Variants in CFAP299 observed in about 807,000 individuals in gnomAD.
The protein encoded by CFAP299 is cilia- and flagella-associated protein 299.
A neutral mutation model predicts 27.0 loss-of-function variants in CFAP299; 21 were observed. That is an observed-to-expected ratio of 0.78 (90% CI 0.55 to 1.12). The LOEUF (loss-of-function observed/expected upper bound fraction) is 1.12. Ranked by LOEUF, CFAP299 falls within the 50% of genes most tolerant of loss-of-function variation. CFAP299 has a pLI of 0.00. For missense variants in CFAP299, 310 were observed against 276.6 expected, an observed-to-expected ratio of 1.12 and a Z score of -0.86; for synonymous variants, 104 against 98.1, an observed-to-expected ratio of 1.06 and a Z score of -0.36.
chr4:80,388,214 T>C (rs1168087648), intron 2 of CFAP299: 10 of 697,730 alleles, frequency 1.4e-5, no homozygotes, highest in East Asian at 2.7e-5. Flanking sequence ...GGGCACAGAA[T>C]GCATGTTCAG....
rs535409093 is a variant in CFAP299, at chr4:80,450,045, T to C, written c.242+87161T>C. ...TTGGAAAAGCTATGCAGTAAGGCAG[T>C]GGAGCAAAGTAATCTATATTGGCAC... On this transcript the variant is annotated intron_variant, in intron 2 of 5. Coordinates refer to ENST00000358105, the MANE Select transcript of CFAP299 (RefSeq NM_152770.3). Among the ~76,000 whole-genome samples, 12 of 152,268 alleles carry C rather than the reference T, an allele frequency of 7.9e-5. No homozygotes were observed. In the South Asian group the frequency reaches 1.9e-3, roughly 24 times the overall value.
chr4:80,951,672 A>G (rs1261244724), intron 5 of CFAP299, among the ~76,000 whole-genome samples: 2 of 152,146 alleles, frequency 1.3e-5, no homozygotes, highest in Non-Finnish European at 2.9e-5. Context: ...AGCAAATTCT[A>G]TTTTTAAAGC....
At chr4:80,828,167 AT>A (rs961097358) in intron 3 of CFAP299, among the ~76,000 whole-genome samples, 30 of 150,842 alleles carry the variant, frequency 2.0e-4, no homozygotes, top group East Asian at 5.8e-4. Context: ...TTGCAATGAC[AT>A]TTTTTTTTGC....
chr4:80,672,447 A>G (rs550090282), intron 3 of CFAP299, among the ~76,000 whole-genome samples: 41 of 152,188 alleles, frequency 2.7e-4, no homozygotes, highest in African/African-American at 8.9e-4. Flanking sequence ...TTCATCAGGG[A>G]TATTGGTCTA....
At chr4:80,755,449 G>A (rs549380875) in intron 3 of CFAP299, among the ~76,000 whole-genome samples, 1 of 152,174 alleles carries the variant, frequency 6.6e-6, no homozygotes, top group Admixed American at 6.5e-5. Flanking sequence ...AGTAATTTGG[G>A]AATGAAATTA....
At chr4:80,634,575 C>T (rs1416945510) in intron 3 of CFAP299, among the ~76,000 whole-genome samples, 2 of 152,132 alleles carry the variant, frequency 1.3e-5, no homozygotes, top group African/African-American at 2.4e-5. Context: ...TAAACAATTT[C>T]CGCTTAGCTG....
At chr4:80,670,051 C>T (rs1056215041) in intron 3 of CFAP299, among the ~76,000 whole-genome samples, 3 of 151,744 alleles carry the variant, frequency 2.0e-5, no homozygotes, top group Middle Eastern at 3.4e-3. Flanking sequence ...AGGCTTGTTA[C>T]ATAGGTATAC....
intron 4 of CFAP299, among the ~76,000 whole-genome samples, chr4:80,900,248 G>A (rs1243950847): frequency 6.6e-6 from 1 of 151,740 alleles, no homozygotes; most frequent in East Asian, 1.9e-4. Flanking sequence ...ATGCATAGGA[G>A]CACAAGGAAA....
At chr4:80,373,723 G>A (rs1403132456) in intron 2 of CFAP299, among the ~76,000 whole-genome samples, 1 of 152,050 alleles carries the variant, frequency 6.6e-6, no homozygotes, top group Non-Finnish European at 1.5e-5. Flanking sequence ...GTGTCTTATG[G>A]TTAAGTTCCA....
intron 3 of CFAP299, among the ~76,000 whole-genome samples, chr4:80,827,098 A>G (rs902162647): frequency 6.6e-6 from 1 of 151,866 alleles, no homozygotes; most frequent in African/African-American, 2.4e-5. Context: ...ACAACCCAAC[A>G]TTATAAGTTG....
Position 80,937,306 on chromosome 4 carries a change from TTCTTTC to T in CFAP299, c.477-7502_477-7497del, listed in dbSNP as rs1373820093. On this transcript the variant is annotated intron_variant, in intron 4 of 5. Transcript: ENST00000358105. The stretch of plus-strand genomic sequence containing the variant: ...TATCATTTTTCTTTTTTCTTTTTTT[TTCTTTC>T]TTTTTTTTTTTTTTTTTTTTTTGAG... Among the ~76,000 whole-genome samples the T allele has an allele frequency of 3.3e-4, 44 of 134,210 alleles. 1 individual carries two copies. The highest frequency in any genetic ancestry group is 1.2e-3 in the African/African-American group (39 of 31,430). 88.0% of individuals were successfully genotyped at this position (134,210 alleles called of 152,430 possible).
intron 4 of CFAP299, among the ~76,000 whole-genome samples, chr4:80,939,610 AC>A (rs1289117720): frequency 3.3e-5 from 5 of 152,088 alleles, no homozygotes; most frequent in Non-Finnish European, 5.9e-5. Flanking sequence ...AGCTCATATG[AC>A]TATTTTAAAT....
intron 3 of CFAP299, among the ~76,000 whole-genome samples, chr4:80,633,747 C>T (rs1329809445): frequency 6.6e-6 from 1 of 152,068 alleles, no homozygotes; most frequent in Non-Finnish European, 1.5e-5. Context: ...ACTCGTTTGA[C>T]TGATTGAATT....
At chr4:80,425,093 G>A (rs1727470837) in intron 2 of CFAP299, among the ~76,000 whole-genome samples, 2 of 152,078 alleles carry the variant, frequency 1.3e-5, no homozygotes, top group African/African-American at 4.8e-5. Flanking sequence ...GTTTGAAGGT[G>A]TCCCCCAAAA....
chr4:80,617,330 T>C (rs766871034), intron 3 of CFAP299, among the ~76,000 whole-genome samples: 15 of 152,152 alleles, frequency 9.9e-5, no homozygotes, highest in Non-Finnish European at 1.9e-4. Flanking sequence ...GATGTTATCA[T>C]TAATTGAAAA....
At chr4:80,789,191 G>A (rs1283814472) in intron 3 of CFAP299, among the ~76,000 whole-genome samples, 1 of 152,046 alleles carries the variant, frequency 6.6e-6, no homozygotes, top group South Asian at 2.1e-4. Flanking sequence ...TATCCAAGCA[G>A]CTCTGTTCTG....
chr4:80,880,953 C>A (rs1192500293), intron 4 of CFAP299, among the ~76,000 whole-genome samples: 1 of 152,054 alleles, frequency 6.6e-6, no homozygotes, highest in Non-Finnish European at 1.5e-5. Context: ...CAGCTGGATT[C>A]TTTTTGGCCT....
intron 2 of CFAP299, among the ~76,000 whole-genome samples, chr4:80,503,509 G>A (rs1731841193): frequency 6.6e-6 from 1 of 152,192 alleles, no homozygotes; most frequent in East Asian, 1.9e-4. Flanking sequence ...TTGTATTGAT[G>A]CTAAGAATAA....
intron 2 of CFAP299, among the ~76,000 whole-genome samples, chr4:80,448,812 A>G (rs1728761448): frequency 6.6e-6 from 1 of 152,338 alleles, no homozygotes; most frequent in South Asian, 2.1e-4. Flanking sequence ...GAAAAAGAAT[A>G]TCCTAATGAA....
Sources: allele counts gnomAD v4.1 joint callset (sites outside exome capture counted in the v4.1 genomes callset), GRCh38; gene constraint gnomAD v4.1.1; transcripts MANE v1.5; gene names NCBI Gene and HGNC (gene_info 2026-07-23, HGNC 2026-07-21).